MAGI2: variants seen among roughly 807,000 people sequenced by gnomAD.
MAGI2 encodes membrane-associated guanylate kinase, WW and PDZ domain-containing protein 2.
A neutral mutation model predicts 133.3 loss-of-function variants in MAGI2; 35 were observed. The observed-to-expected ratio is 0.26, with a 90% confidence interval of 0.20 to 0.35. MAGI2 has a LOEUF of 0.35. MAGI2 is among the 10% of genes least tolerant of loss of function. MAGI2 has a pLI of 1.00. For synonymous variants in MAGI2, 729 were observed against 710.6 expected, an observed-to-expected ratio of 1.03 and a Z score of -0.41; for missense variants, 1,636 against 1,863.4, an observed-to-expected ratio of 0.88 and a Z score of 2.25.
intron 6 of MAGI2, among the ~76,000 whole-genome samples, chr7:78,459,470 C>G (rs1789728419): frequency 6.6e-6 from 1 of 152,078 alleles, no homozygotes; most frequent in African/African-American, 2.4e-5. Flanking sequence ...TATTTAAAAC[C>G]TCTTAAGAGC....
At chr7:78,020,037 T>C (rs1808202905) in intron 21 of MAGI2, 61 bp from the exon 22 acceptor site, 2 of 1,420,246 alleles carry the variant, frequency 1.4e-6, no homozygotes, top group Non-Finnish European at 1.9e-6. Flanking sequence ...GTGCCCTCTC[T>C]ACGCCGGGGA....
chr7:78,852,439 A>G (rs922025677), intron 2 of MAGI2, among the ~76,000 whole-genome samples: 40 of 152,044 alleles, frequency 2.6e-4, no homozygotes, highest in African/African-American at 9.4e-4. Flanking sequence ...TGTCCTGTTT[A>G]TGAAACATTT....
intron 1 of MAGI2, among the ~76,000 whole-genome samples, chr7:79,432,303 G>T (rs770146083): frequency 2.0e-4 from 30 of 152,258 alleles, no homozygotes; most frequent in South Asian, 8.3e-4. Context: ...CACAGAAGTG[G>T]TCATTTAAAA....
At chr7:79,059,869 G>A (rs1813541303) in intron 1 of MAGI2, among the ~76,000 whole-genome samples, 1 of 152,062 alleles carries the variant, frequency 6.6e-6, no homozygotes, top group Admixed American at 6.6e-5. Context: ...CACTCTGATT[G>A]TAAATTAAAA....
intron 15 of MAGI2, among the ~76,000 whole-genome samples, chr7:78,162,768 T>C (rs1447945130): frequency 3.3e-5 from 5 of 152,102 alleles, no homozygotes; most frequent in Admixed American, 3.3e-4. Context: ...ATATTTAAAA[T>C]CAGGAAGTTA....
intron 2 of MAGI2, among the ~76,000 whole-genome samples, chr7:78,693,725 G>A (rs1350234357): frequency 6.6e-6 from 1 of 152,090 alleles, no homozygotes; most frequent in Non-Finnish European, 1.5e-5. Context: ...ATCCCCAGAT[G>A]AGCTGATCTC....
chr7:78,883,625 A>C (rs963066718), intron 2 of MAGI2, among the ~76,000 whole-genome samples: 2 of 152,144 alleles, frequency 1.3e-5, no homozygotes, highest in African/African-American at 4.8e-5. Flanking sequence ...AAACTATACT[A>C]CAAGGCTACA....
chr7:78,490,085 G>A, intron 5 of MAGI2: 1 of 460,150 alleles, frequency 2.2e-6, no homozygotes, highest in Non-Finnish European at 3.8e-6. Flanking sequence ...ATGTTGCCAA[G>A]TTAACCTCAT....
chr7:78,138,329 A>T (rs1445522907), intron 16 of MAGI2, among the ~76,000 whole-genome samples: 1 of 152,188 alleles, frequency 6.6e-6, no homozygotes, highest in Non-Finnish European at 1.5e-5. Context: ...TTGTCTTTTG[A>T]CAGGCAAAGT....
intron 20 of MAGI2, among the ~76,000 whole-genome samples, chr7:78,087,602 G>A (rs1004014919): frequency 1.3e-5 from 2 of 152,024 alleles, no homozygotes; most frequent in Non-Finnish European, 2.9e-5. Flanking sequence ...ATATTTTTCT[G>A]GAAATATCAT....
At chr7:78,126,622 A>G (rs1332545536) in intron 19 of MAGI2, among the ~76,000 whole-genome samples, 1 of 152,246 alleles carries the variant, frequency 6.6e-6, no homozygotes, top group Admixed American at 6.5e-5. Context: ...GGAAGTTGAC[A>G]TGAAGCACAT....
chr7:78,258,940 T>A (rs1793263902), intron 9 of MAGI2, among the ~76,000 whole-genome samples: 1 of 152,208 alleles, frequency 6.6e-6, no homozygotes, highest in Non-Finnish European at 1.5e-5. Context: ...TCAACTTTGT[T>A]AGATAGTGGC....
chr7:79,262,550 T>G (rs2129556528), intron 1 of MAGI2, among the ~76,000 whole-genome samples: 1 of 152,302 alleles, frequency 6.6e-6, no homozygotes, highest in African/African-American at 2.4e-5. Context: ...ATTTTAAAAT[T>G]ACAATGAGAA....
At chr7:78,097,036 C>T (rs530191386) in intron 20 of MAGI2, among the ~76,000 whole-genome samples, 3 of 152,080 alleles carry the variant, frequency 2.0e-5, no homozygotes, top group Non-Finnish European at 4.4e-5. Context: ...AGAAGACACA[C>T]ATGTGCCCAA....
At position 78,072,799 on chromosome 7, in the gene MAGI2, C is replaced by T. The variant is rs1814849045; in HGVS notation, c.3706+6148G>A. 3.0e-5 allele frequency: 12 copies of T among 396,932 alleles called. No individual in the cohort carries two copies. In the Admixed American group the frequency reaches 4.8e-4, roughly 16 times the overall value. 24.6% of individuals were successfully genotyped at this position (396,932 alleles called of 1,614,324 possible). A position where few individuals can be genotyped will look rare whatever the true frequency, so the allele number is the denominator to read the frequency against. ...GTGCTTAAGTGATCCTCCTGAGTAG[C>T]TGGGACCACAGGAGTATGCCACCAC... On this transcript the variant is annotated intron_variant, in intron 21 of 21. Transcript: ENST00000354212.
chr7:78,411,763 A>G (rs971715204), intron 6 of MAGI2, among the ~76,000 whole-genome samples: 6 of 152,036 alleles, frequency 3.9e-5, no homozygotes, highest in Non-Finnish European at 5.9e-5. Flanking sequence ...TGGGATGGAA[A>G]TAGTTCTTAA....
chr7:78,890,990 T>C (rs1796699033), intron 2 of MAGI2, among the ~76,000 whole-genome samples: 2 of 151,518 alleles, frequency 1.3e-5, no homozygotes, highest in Admixed American at 1.3e-4. Context: ...GCAAGAATAA[T>C]AAAGAAGAAA....
chr7:79,254,152 T>A (rs1483738561), intron 1 of MAGI2, among the ~76,000 whole-genome samples: 1 of 152,208 alleles, frequency 6.6e-6, no homozygotes, highest in African/African-American at 2.4e-5. Flanking sequence ...ATTTGTCAAA[T>A]GTGCATTTCT....
Position 79,339,472 on chromosome 7 carries a change from T to TTTG in MAGI2, c.301+113547_301+113548insCAA, listed in dbSNP as rs1226214215. 3.8e-3 allele frequency among the ~76,000 whole-genome samples: 583 copies of TTTG among 151,540 alleles called. 10 individuals are homozygous for TTTG. The highest frequency in any genetic ancestry group is 4.7e-3 in the Admixed American group (71 of 15,208). On this transcript the variant is annotated intron_variant, in intron 1 of 21. Coordinates refer to ENST00000354212, the MANE Select transcript of MAGI2 (RefSeq NM_012301.4). ...TGTTTGTTTTTGTTTTTGTTTTTTT[T>TTTG]TTTTTTGAGGAATCACTAAAATTTG...
Sources: gnomAD v4.1 joint callset for allele counts (sites outside exome capture counted in the v4.1 genomes callset) on GRCh38, gnomAD v4.1.1 for gene constraint, MANE v1.5 for transcripts, NCBI Gene and HGNC (gene_info 2026-07-23, HGNC 2026-07-21) for gene names.